Variants in COMMD4 observed in about 807,000 individuals in gnomAD.
COMMD4 encodes the protein COMM domain-containing protein 4.
Under a neutral mutation model 27.5 loss-of-function variants are expected in COMMD4, and 18 were observed. The ratio of observed to expected loss-of-function variants is 0.65; its 90% CI spans 0.45 to 0.97. The LOEUF (loss-of-function observed/expected upper bound fraction) is 0.97, where lower values mean the gene tolerates loss of function less well. Ranked by LOEUF, COMMD4 falls within the 50% of genes least tolerant of loss-of-function variation. The probability of loss-of-function intolerance (pLI) is 0.00; values close to 1 mark genes in which losing one functional copy is unlikely to be tolerated. For missense variants in COMMD4, 243 were observed against 250.0 expected, an observed-to-expected ratio of 0.97 and a Z score of 0.19; for synonymous variants, 108 against 108.4, an observed-to-expected ratio of 1.00 and a Z score of 0.02.
In COMMD4 at chr15:75,338,650, A is replaced by G; in HGVS notation, c.146A>G (p.Glu49Gly). The G allele has an allele frequency of 1.2e-6, 2 of 1,613,958 alleles. No homozygotes were observed. The highest frequency in any genetic ancestry group is 1.7e-6 in the Non-Finnish European group (2 of 1,179,934). The change falls in exon 4 of 8, where the codon GAG becomes GGG. Residue 49 changes from glutamate to glycine, a missense_variant. Coordinates refer to ENST00000267935, the MANE Select transcript of COMMD4 (RefSeq NM_017828.5). ...GAAGGTCTCCTTTCCCCATAGTATG[A>G]GAAGATCCTGAAGCTCACGGCTGAC... is the stretch of plus-strand genomic sequence containing the variant. ...KELLGQGIDY[E>G]KILKLTADAK...
downstream of COMMD4, among the ~76,000 whole-genome samples, chr15:75,340,666 G>T (rs1284737958): frequency 1.3e-5 from 2 of 152,010 alleles, no homozygotes; most frequent in Non-Finnish European, 2.9e-5. Context: ...CTGCCATCTT[G>T]TTATTTATTT....
In COMMD4 at chr15:75,339,038, G is replaced by T; in HGVS notation, c.235G>T (p.Ala79Ser). 6.2e-7 allele frequency: 1 copy of T among 1,613,902 alleles called. No individual in the cohort carries two copies. Among genetic ancestry groups the T allele is most frequent in the South Asian group, 1.1e-5 (1 of 91,076 alleles). Residue 79 changes from alanine to serine, a missense_variant, in exon 5 of 8, where the codon GCG becomes TCG. By Grantham distance (99) the Ala-to-Ser change is moderately conservative (BLOSUM62 1). Transcript: ENST00000267935. Reference sequence around the variant, plus strand: ...AGTGCTGAGTTTCATCCTCTCCAGTGCGGCCAAGCACAGTGTCGATGGCGA... The same window carrying T: ...AGTGCTGAGTTTCATCCTCTCCAGTTCGGCCAAGCACAGTGTCGATGGCGA... ...VAVLSFILSS[A>S]AKHSVDGESL...
At chr15:75,339,573 G>A (rs2071370982) in intron 6 of COMMD4, 129 bp from the exon 7 acceptor site, 1 of 1,181,450 alleles carries the variant, frequency 8.5e-7, no homozygotes, top group Non-Finnish European at 1.2e-6. Flanking sequence ...TTCTGAGCCT[G>A]GGTCAGCAGG....
downstream of COMMD4, chr15:75,341,985 T>A (rs533652509): frequency 2.1e-5 from 3 of 145,310 alleles, no homozygotes; most frequent in South Asian, 6.4e-4. Flanking sequence ...GATCAATCGC[T>A]TGAGCCCAGG....
rs2071376075 is a variant in COMMD4 at position 75,339,691 on chromosome 15, C to G, written c.383-11C>G. 1.3e-6 allele frequency: 2 copies of G among 1,572,116 alleles called. No individual in the cohort carries two copies. Among genetic ancestry groups the G allele is most frequent in the Non-Finnish European group, 8.6e-7 (1 of 1,157,860 alleles). ...GCTTTGATCCTGAGAGCCACCCACC[C>G]CATCTCACAGTGAATAGGTTGGCAG... On this transcript the variant is annotated splice_polypyrimidine_tract_variant and intron_variant, in intron 6 of 7. Transcript: ENST00000267935.
At chr15:75,338,752 A>G (rs746017567) in intron 4 of COMMD4, 67 bp downstream of exon 4, 2 of 1,555,986 alleles carry the variant, frequency 1.3e-6, no homozygotes, top group Non-Finnish European at 8.8e-7. Context: ...CCTGGTACAG[A>G]GGGGCCCCCC....
Position 75,339,286 on chromosome 15 carries a change from C to G in COMMD4, c.324C>G (p.Arg108=). 1.2e-6 allele frequency: 2 copies of G among 1,612,212 alleles called. No homozygotes were observed. The highest frequency in any genetic ancestry group is 1.7e-5 in the Admixed American group (1 of 60,024). The change falls in exon 6 of 8, where the codon CGC becomes CGG. Residue 108 remains arginine, a synonymous_variant. Transcript: ENST00000267935. The part of the protein sequence containing the change: ...LPKEHAASLC[R]CYEEKQSPLQ... ...CAGAGCACGCGGCCAGCCTGTGCCG[C>G]TGTTATGAGGAGAAGCAAAGCCCCT...
chr15:75,339,199 C>T (rs2071350601), intron 5 of COMMD4, 65 bp from the exon 6 acceptor site: 2 of 1,611,894 alleles, frequency 1.2e-6, no homozygotes, highest in East Asian at 2.2e-5. Context: ...CCTGCCCTGT[C>T]TGGGCCAGGA....
downstream of COMMD4, chr15:75,342,442 G>A (rs1485575144): frequency 1.3e-5 from 2 of 152,274 alleles, no homozygotes. Context: ...GGAGGTTGAG[G>A]TGGGAGGATT....
At position 75,338,550 on chromosome 15, in the gene COMMD4, T is replaced by C. The variant is rs61217612; in HGVS notation, c.142-96T>C. ...TCTCTGGGCACCTCCCTTCCTTCTT[T>C]CCAGCCTGTCTGTTCCTTATCGCAG... is the stretch of plus-strand genomic sequence containing the variant. On this transcript the variant is annotated intron_variant, in intron 3 of 7. Transcript: ENST00000267935. 241 of 1,578,124 alleles carry C rather than the reference T, an allele frequency of 1.5e-4. 1 individual carries two copies. The African/African-American group carries it at 2.9e-3, about 19-fold the overall frequency.
chr15:75,339,402 A>C, intron 6 of COMMD4, 58 bp downstream of exon 6: 1 of 1,583,274 alleles, frequency 6.3e-7, no homozygotes, highest in Non-Finnish European at 8.6e-7. Flanking sequence ...GCAGCACACA[A>C]AGTGCATGGA....
At chr15:75,338,829 C>T (rs2071330203) in intron 4 of COMMD4, 144 bp downstream of exon 4, 7 of 1,421,910 alleles carry the variant, frequency 4.9e-6, no homozygotes, top group Non-Finnish European at 5.9e-6. Flanking sequence ...GAAAGACCGA[C>T]AGTCCCACCT....
chr15:75,340,177 CT>C lies in COMMD4; in HGVS notation c.*173del. On this transcript the variant is annotated 3_prime_UTR_variant, in exon 8 of 8. Transcript: ENST00000267935. Reference sequence around the variant, plus strand: ...TCTCTCTTGAGAACTTGGCTCAGGGCTCCTGAGGACCTTTCCCAGCATTACC... The same window carrying C: ...TCTCTCTTGAGAACTTGGCTCAGGGCCCTGAGGACCTTTCCCAGCATTACC... 1 of 662,206 alleles carries C rather than the reference CT, an allele frequency of 1.5e-6. No homozygotes were observed. The highest frequency in any genetic ancestry group is 2.5e-6 in the Non-Finnish European group (1 of 393,330). 41.0% of individuals were successfully genotyped at this position (662,206 alleles called of 1,614,324 possible).
intron 1 of COMMD4, 139 bp downstream of exon 1, chr15:75,336,231 G>A: frequency 1.3e-6 from 2 of 1,539,934 alleles, no homozygotes; most frequent in Non-Finnish European, 1.8e-6. Context: ...TGTGAGTCTG[G>A]TAGGGAAAAG....
In COMMD4 at chr15:75,339,296, G is replaced by T; in HGVS notation, c.334G>T (p.Glu112Ter). 3 of 1,612,176 alleles carry T rather than the reference G, an allele frequency of 1.9e-6. No homozygotes were observed. Among genetic ancestry groups the T allele is most frequent in the South Asian group, 1.1e-5 (1 of 90,980 alleles). ...GGCCAGCCTGTGCCGCTGTTATGAG[G>T]AGAAGCAAAGCCCCTTGCAGAAGCA... ...HAASLCRCYE[E>*]KQSPLQKHLR... Residue 112 changes from glutamate (E) to a stop codon, truncating the protein, a stop_gained, in exon 6 of 8, where the codon GAG (glutamate) becomes TAG (stop). Transcript: ENST00000267935. LOFTEE classifies it high-confidence loss of function.
downstream of COMMD4, chr15:75,340,902 C>G (rs1052875444): frequency 1.3e-5 from 2 of 152,170 alleles, no homozygotes; most frequent in Admixed American, 6.6e-5. Context: ...CCACCTTGCC[C>G]TCCCAAAGTG....
chr15:75,337,988 T>G, intron 1 of COMMD4, 74 bp from the exon 2 acceptor site: 2 of 1,452,856 alleles, frequency 1.4e-6, no homozygotes, highest in South Asian at 2.5e-5. Context: ...TGGGCAGCAG[T>G]GTGGGAGACA....
At chr15:75,341,727 T>C (rs2071429756), downstream of COMMD4, 2 of 152,072 alleles carry the variant, frequency 1.3e-5, no homozygotes, top group African/African-American at 4.8e-5. Context: ...CATTCATGAT[T>C]AGGGTCTCAG....
At position 75,339,243 on chromosome 15, in the gene COMMD4, G is replaced by A. The variant is rs776942100; in HGVS notation, c.302-21G>A. On this transcript the variant is annotated intron_variant, in intron 5 of 7. Transcript: ENST00000267935. ...CAGGCCCCGACATGCTACCTCCAGA[G>A]CTACTCCATTCTACCCCCAGAGCAC... 2.3e-5 allele frequency: 37 copies of A among 1,612,102 alleles called. No homozygotes were observed. In the Admixed American group the frequency reaches 2.5e-4, roughly 11 times the overall value.
Sources: allele counts gnomAD v4.1 joint callset (sites outside exome capture counted in the v4.1 genomes callset), GRCh38; gene constraint gnomAD v4.1.1; transcripts MANE v1.5; gene names NCBI Gene and HGNC (gene_info 2026-07-23, HGNC 2026-07-21).